SMOX: variants seen among roughly 807,000 people sequenced by gnomAD.
The protein encoded by SMOX is spermine oxidase.
In SMOX, 22 loss-of-function variants were observed where a neutral mutation model predicts 51.0. The observed-to-expected ratio is 0.43, with a 90% CI of 0.31 to 0.62. The LOEUF (loss-of-function observed/expected upper bound fraction) is 0.62, where lower values mean the gene tolerates loss of function less well. Ranked by LOEUF, SMOX falls within the 20% of genes least tolerant of loss-of-function variation. The pLI is 0.10. For synonymous variants in SMOX, 282 were observed against 307.8 expected (o/e 0.92, Z 0.88); for missense variants, 566 against 777.7 (o/e 0.73, Z 3.24).
At chr20:4,186,697 A>C in intron 6 of SMOX, 1 of 778,698 alleles carries the variant, frequency 1.3e-6, no homozygotes, top group Non-Finnish European at 2.4e-6. Context: ...TCCATCACAT[A>C]TGACGCTGTT....
In SMOX at chr20:4,166,623, T is replaced by G. The variant is rs1986582691; in HGVS notation, c.-26-8407T>G. 6.6e-6 allele frequency among the ~76,000 whole-genome samples: 1 copy of G among 152,214 alleles called. No homozygotes were observed. The highest frequency in any genetic ancestry group is 2.4e-5 in the African/African-American group (1 of 41,450). On this transcript the variant is annotated intron_variant, in intron 1 of 6. Transcript: ENST00000305958. The surrounding 1 kb of genome is among the most constrained non-coding windows in gnomAD (Gnocchi z 4.2). ...TACAGGGAGCTATAAAATCACCTTATGCCTCCCAGGCAAAAGGGTCCTGAA... is the reference window on the plus strand; with the variant it reads ...TACAGGGAGCTATAAAATCACCTTAGGCCTCCCAGGCAAAAGGGTCCTGAA...
In SMOX at chr20:4,181,365, G is replaced by A. The variant is rs562052499; in HGVS notation, c.436-438G>A. On this transcript the variant is annotated intron_variant, in intron 3 of 6. Transcript: ENST00000305958. The surrounding 1 kb of genome is among the most constrained non-coding windows in gnomAD (Gnocchi z 5.6). ...AGCTCCAGACTGCCCTCTTGGGAGCGGGCAAAGCAGACACACTTGGGCAGG... is the reference window on the plus strand; with the variant it reads ...AGCTCCAGACTGCCCTCTTGGGAGCAGGCAAAGCAGACACACTTGGGCAGG... 5.3e-5 allele frequency among the ~76,000 whole-genome samples: 8 copies of A among 152,264 alleles called. No homozygotes were observed. The East Asian group carries it at 1.5e-3, about 29-fold the overall frequency.
At chr20:4,165,358 C>T (rs774983885) in intron 1 of SMOX, among the ~76,000 whole-genome samples, 6 of 152,090 alleles carry the variant, frequency 3.9e-5, no homozygotes, top group Non-Finnish European at 5.9e-5. Context: ...CCGGCCCTAG[C>T]TAACTTTTAC....
intron 1 of SMOX, among the ~76,000 whole-genome samples, chr20:4,158,911 A>C (rs1986168490): frequency 6.6e-6 from 1 of 151,950 alleles, no homozygotes; most frequent in Non-Finnish European, 1.5e-5. Flanking sequence ...CAAGCAGGAG[A>C]CACCCAGCAC....
Position 4,170,675 on chromosome 20 carries a change from CTT to C in SMOX, c.-26-4353_-26-4352del, listed in dbSNP as rs1986785693. Among the ~76,000 whole-genome samples the C allele has an allele frequency of 6.6e-6, 1 of 152,156 alleles. No homozygotes were observed. The highest frequency in any genetic ancestry group is 2.1e-4 in the South Asian group (1 of 4,820). ...CACTCTGGTCACCTGACCTCTGAGT[CTT>C]TATTCTATTCATCCGTCTTTGGCAA... On this transcript the variant is annotated intron_variant, in intron 1 of 6. Coordinates refer to ENST00000305958, the MANE Select transcript of SMOX (RefSeq NM_175839.3). The surrounding 1 kb of genome is among the most constrained non-coding windows in gnomAD (Gnocchi z 4.6).
Position 4,181,735 on chromosome 20 carries a change from T to C in SMOX, c.436-68T>C. 11 of 1,563,380 alleles carry C rather than the reference T, an allele frequency of 7.0e-6. No individual in the cohort carries two copies. The highest frequency in any genetic ancestry group is 9.6e-6 in the Non-Finnish European group (11 of 1,151,066). On this transcript the variant is annotated intron_variant, in intron 3 of 6. Transcript: ENST00000305958. The surrounding 1 kb of genome is among the most constrained non-coding windows in gnomAD (Gnocchi z 5.6). ...ACACCTGGGAACTGGTGGGTTTGGG[T>C]TGGGGGCCTTCTGTTTGAGATGGAG...
At position 4,175,280 on chromosome 20, in the gene SMOX, C is replaced by T. The variant is rs1464276086; in HGVS notation, c.208+17C>T. The T allele has an allele frequency of 6.2e-7, 1 of 1,610,340 alleles. No homozygotes were observed. The highest frequency in any genetic ancestry group is 1.3e-5 in the African/African-American group (1 of 74,884). The stretch of plus-strand genomic sequence containing the variant: ...TGAAACTTGGTAAGTGCCACCCAGT[C>T]CAGCCCAGCCACCTCCCCAGGTCAC... On this transcript the variant is annotated intron_variant, in intron 2 of 6. Coordinates refer to ENST00000305958, the MANE Select transcript of SMOX (RefSeq NM_175839.3).
In SMOX at chr20:4,167,563, C is replaced by T. The variant is rs766797982; in HGVS notation, c.-26-7467C>T. 1.3e-5 allele frequency among the ~76,000 whole-genome samples: 2 copies of T among 152,112 alleles called. No individual in the cohort carries two copies. The highest frequency in any genetic ancestry group is 2.1e-4 in the South Asian group (1 of 4,822). The stretch of plus-strand genomic sequence containing the variant: ...CCCAGGTAGTGGGGTACAGAGGGTG[C>T]GTCCTTGGAGTGAGTTCAGAGGTGT... On this transcript the variant is annotated intron_variant, in intron 1 of 6. Transcript: ENST00000305958. This position sits in a 1 kb window ranked among gnomAD's most constrained non-coding sequence, Gnocchi z 4.8.
intron 3 of SMOX, among the ~76,000 whole-genome samples, chr20:4,180,551 C>G (rs1261936831): frequency 2.0e-5 from 3 of 152,214 alleles, no homozygotes; most frequent in Non-Finnish European, 1.5e-5. Context: ...CGCCTTCTTG[C>G]TCACGGCCCT....
chr20:4,164,187 G>T (rs944021468), intron 1 of SMOX, among the ~76,000 whole-genome samples: 10 of 152,064 alleles, frequency 6.6e-5, no homozygotes, highest in South Asian at 2.1e-4. Flanking sequence ...TGAGGCCTGG[G>T]GCCCTGCTCT....
rs1019800640 is a variant in SMOX, at chr20:4,149,170, G to A, written c.-27+193G>A. On this transcript the variant is annotated intron_variant, in intron 1 of 6. Transcript: ENST00000305958. This position sits in a 1 kb window ranked among gnomAD's most constrained non-coding sequence, Gnocchi z 6.0. Reference sequence around the variant, plus strand: ...GTGCGGGGCGTTCCGGGAGGCTCGCGGGGAGCAGGGGGCGCCGCGCCCCCC... The same window carrying A: ...GTGCGGGGCGTTCCGGGAGGCTCGCAGGGAGCAGGGGGCGCCGCGCCCCCC... Among the ~76,000 whole-genome samples, 4 of 149,288 alleles carry A rather than the reference G, an allele frequency of 2.7e-5. No homozygotes were observed. The highest frequency in any genetic ancestry group is 6.0e-5 in the Non-Finnish European group (4 of 66,966).
At chr20:4,171,251 C>T (rs1354829540) in intron 1 of SMOX, among the ~76,000 whole-genome samples, 5 of 152,182 alleles carry the variant, frequency 3.3e-5, no homozygotes, top group Admixed American at 1.3e-4. Flanking sequence ...ATTCTCCTTC[C>T]TCAGTAAGGC....
At chr20:4,156,179 ACTGTTT>A in intron 1 of SMOX, among the ~76,000 whole-genome samples, 1 of 152,196 alleles carries the variant, frequency 6.6e-6, no homozygotes, top group Non-Finnish European at 1.5e-5. Context: ...TAGAAAAGAA[ACTGTTT>A]AGTGTTTCCC....
rs1343445337 is a variant in SMOX, at chr20:4,182,225, G to T, written c.746G>T (p.Gly249Val). The T allele has an allele frequency of 6.2e-7, 1 of 1,613,578 alleles. No individual in the cohort carries two copies. The highest frequency in any genetic ancestry group is 8.5e-7 in the Non-Finnish European group (1 of 1,180,004). The change falls in exon 5 of 7, where the codon GGC becomes GTC. Residue 249 changes from glycine (G) to valine (V), a missense_variant. Gly to Val is a moderately radical substitution (Grantham distance 109, BLOSUM62 -3). Transcript: ENST00000305958. This position sits in a 1 kb window ranked among gnomAD's most constrained non-coding sequence, Gnocchi z 8.4. ...CGGGTTGTGGAGCTGCTGGCGGAGGGCATCCCTGCCCACGTCATCCAGCTA... is the reference window on the plus strand; with the variant it reads ...CGGGTTGTGGAGCTGCTGGCGGAGGTCATCCCTGCCCACGTCATCCAGCTA... Reference protein sequence around the residue: ...FMRVVELLAEGIPAHVIQLGK... With the variant: ...FMRVVELLAEVIPAHVIQLGK...
intron 1 of SMOX, among the ~76,000 whole-genome samples, chr20:4,164,278 G>A (rs559599988): frequency 2.0e-5 from 3 of 152,234 alleles, no homozygotes; most frequent in East Asian, 1.9e-4. Context: ...CACCCGGCCC[G>A]ATCTTCCCTG....
intron 1 of SMOX, among the ~76,000 whole-genome samples, chr20:4,173,701 CCTGTTAGATCCTGGATA>C (rs1368139595): frequency 1.3e-5 from 2 of 152,326 alleles, no homozygotes; most frequent in Admixed American, 6.5e-5. Flanking sequence ...ACATTTGTTC[CCTGTTAGATCCTGGATA>C]CTGTTAGATT....
intron 1 of SMOX, among the ~76,000 whole-genome samples, chr20:4,169,334 T>C (rs1464356896): frequency 6.6e-6 from 1 of 152,118 alleles, no homozygotes; most frequent in East Asian, 1.9e-4. Flanking sequence ...TTATCTCTTG[T>C]GAGGGGCGTC....
In SMOX at chr20:4,183,678, G is replaced by T; in HGVS notation, c.1530+24G>T. 6.5e-7 allele frequency: 1 copy of T among 1,544,606 alleles called. No individual in the cohort carries two copies. Among genetic ancestry groups the T allele is most frequent in the South Asian group, 1.3e-5 (1 of 78,918 alleles). On this transcript the variant is annotated intron_variant, in intron 6 of 6. Transcript: ENST00000305958. This position sits in a 1 kb window ranked among gnomAD's most constrained non-coding sequence, Gnocchi z 4.3. ...CGGTAAGCGGGGCGTTTGGGGTGAG[G>T]AGGGGAGTTGTGGGTGTATTTTGTA... is the stretch of plus-strand genomic sequence containing the variant.
rs1382444958 is a variant in SMOX at position 4,182,951 on chromosome 20, C to T, written c.1369+103C>T. Reference sequence around the variant, plus strand: ...GCTCTCTCCTCCCCAGACCGTGAAGCTCGGATGCTGTGCCCCACGGGAGAG... The same window carrying T: ...GCTCTCTCCTCCCCAGACCGTGAAGTTCGGATGCTGTGCCCCACGGGAGAG... On this transcript the variant is annotated intron_variant, in intron 5 of 6. Coordinates refer to ENST00000305958, the MANE Select transcript of SMOX (RefSeq NM_175839.3). This position sits in a 1 kb window ranked among gnomAD's most constrained non-coding sequence, Gnocchi z 8.4. 2 of 1,446,494 alleles carry T rather than the reference C, an allele frequency of 1.4e-6. No homozygotes were observed. Among genetic ancestry groups the T allele is most frequent in the Middle Eastern group, 2.5e-4 (1 of 4,072 alleles). The allele number at this position is 1,446,494 out of a possible 1,614,324, so 89.6% of individuals were successfully genotyped here. A position where few individuals can be genotyped will look rare whatever the true frequency, so the allele number is the denominator to read the frequency against.
Sources: gnomAD v4.1 joint callset for allele counts (sites outside exome capture counted in the v4.1 genomes callset) on GRCh38, gnomAD v4.1.1 for gene constraint, Gnocchi (gnomAD v3.1) non-coding constraint, MANE v1.5 for transcripts, NCBI Gene and HGNC (gene_info 2026-07-23, HGNC 2026-07-21) for gene names.